CTNND2: variants seen among roughly 807,000 people sequenced by gnomAD.
CTNND2 encodes catenin delta-2.
In CTNND2, 22 loss-of-function variants were observed where a neutral mutation model predicts 144.4. The observed-to-expected ratio is 0.15, with a 90% CI of 0.11 to 0.22. The LOEUF is 0.22. Among genes scored for constraint, CTNND2 ranks in the 10% least tolerant of loss-of-function variants. The probability of loss-of-function intolerance (pLI) is 1.00; values close to 1 mark genes in which losing one functional copy is unlikely to be tolerated. For synonymous variants in CTNND2, 751 were observed against 695.6 expected (o/e 1.08, Z -1.25); for missense variants, 1,353 against 1,618.8 (o/e 0.84, Z 2.82).
intron 14 of CTNND2, among the ~76,000 whole-genome samples, chr5:11,101,082 C>T (rs1024774688): frequency 6.6e-6 from 1 of 152,124 alleles, no homozygotes; most frequent in Non-Finnish European, 1.5e-5. Flanking sequence ...TCTTTGATGG[C>T]AACTGGAGAT....
intron 9 of CTNND2, among the ~76,000 whole-genome samples, chr5:11,248,745 T>C (rs1436437329): frequency 6.6e-6 from 1 of 152,208 alleles, no homozygotes; most frequent in African/African-American, 2.4e-5. Context: ...AAGCTCTGTG[T>C]TTCTGGAAGT....
At chr5:11,224,407 T>C (rs1371001062) in intron 10 of CTNND2, among the ~76,000 whole-genome samples, 1 of 152,218 alleles carries the variant, frequency 6.6e-6, no homozygotes, top group Non-Finnish European at 1.5e-5. Flanking sequence ...AAGCTTTAAC[T>C]TCTCCACAGA....
At chr5:11,583,200 A>T (rs1778573132) in intron 2 of CTNND2, among the ~76,000 whole-genome samples, 2 of 152,194 alleles carry the variant, frequency 1.3e-5, no homozygotes, top group Non-Finnish European at 2.9e-5. Flanking sequence ...TTGCCCTGGG[A>T]ATTCTGACAC....
chr5:11,052,069 T>A (rs1169785154), intron 16 of CTNND2, among the ~76,000 whole-genome samples: 1 of 152,136 alleles, frequency 6.6e-6, no homozygotes, highest in African/African-American at 2.4e-5. Context: ...AGAGAGTCCA[T>A]CATGCTTTCC....
chr5:11,117,410 T>C (rs1402268405), intron 13 of CTNND2, 40 bp downstream of exon 13: 1 of 1,515,850 alleles, frequency 6.6e-7, no homozygotes, highest in Non-Finnish European at 9.2e-7. Context: ...GTGGGAGTCT[T>C]TATTCTCAAA....
intron 2 of CTNND2, among the ~76,000 whole-genome samples, chr5:11,660,228 G>C (rs1275272027): frequency 6.6e-6 from 1 of 152,086 alleles, no homozygotes; most frequent in Non-Finnish European, 1.5e-5. Flanking sequence ...CCATGAAAAA[G>C]GATGGGGGAA....
intron 3 of CTNND2, among the ~76,000 whole-genome samples, chr5:11,502,954 A>G (rs1413367717): frequency 6.6e-6 from 1 of 152,248 alleles, no homozygotes; most frequent in Non-Finnish European, 1.5e-5. Flanking sequence ...AACATCAAAT[A>G]GGAGTTCTAA....
chr5:11,729,251 GA>G (rs1400220428), intron 2 of CTNND2, among the ~76,000 whole-genome samples: 5 of 150,358 alleles, frequency 3.3e-5, no homozygotes, highest in East Asian at 3.9e-4. Flanking sequence ...TAATTCCTCA[GA>G]AAAAAAACTT....
intron 2 of CTNND2, among the ~76,000 whole-genome samples, chr5:11,590,409 G>A (rs1779157678): frequency 6.6e-6 from 1 of 152,050 alleles, no homozygotes; most frequent in Non-Finnish European, 1.5e-5. Flanking sequence ...CTTTGATAAA[G>A]TACAGGGTAG....
chr5:11,195,050 A>T (rs1460496136), intron 11 of CTNND2, among the ~76,000 whole-genome samples: 2 of 152,200 alleles, frequency 1.3e-5, no homozygotes, highest in Non-Finnish European at 2.9e-5. Flanking sequence ...AAATCTGACT[A>T]ATTTCAGAAA....
intron 1 of CTNND2, among the ~76,000 whole-genome samples, chr5:11,870,789 T>A (rs1485263558): frequency 6.6e-6 from 1 of 152,174 alleles, no homozygotes; most frequent in African/African-American, 2.4e-5. Flanking sequence ...GGAGGGAAAC[T>A]TCCACAAATT....
At chr5:11,122,667 A>G (rs904865737) in intron 12 of CTNND2, among the ~76,000 whole-genome samples, 2 of 151,864 alleles carry the variant, frequency 1.3e-5, no homozygotes, top group African/African-American at 4.8e-5. Flanking sequence ...TAACCATCAG[A>G]GCCCAGATGC....
chr5:11,303,501 G>A (rs1749824017), intron 9 of CTNND2, among the ~76,000 whole-genome samples: 1 of 152,142 alleles, frequency 6.6e-6, no homozygotes. Flanking sequence ...CTGGGTTGCT[G>A]AGGCCTTAGT....
At chr5:11,341,283 T>C (rs182690280) in intron 9 of CTNND2, among the ~76,000 whole-genome samples, 6 of 152,324 alleles carry the variant, frequency 3.9e-5, no homozygotes, top group Non-Finnish European at 4.4e-5. Context: ...AGATGCAGAT[T>C]TCTGTATCAA....
intron 1 of CTNND2, among the ~76,000 whole-genome samples, chr5:11,866,474 C>T (rs1795774507): frequency 6.6e-6 from 1 of 152,008 alleles, no homozygotes; most frequent in South Asian, 2.1e-4. Flanking sequence ...TCTCAGTTGC[C>T]CTATAAATGG....
At chr5:11,002,626 G>A (rs1740073067) in intron 18 of CTNND2, among the ~76,000 whole-genome samples, 1 of 152,174 alleles carries the variant, frequency 6.6e-6, no homozygotes, top group Non-Finnish European at 1.5e-5. Context: ...TCATTAAGGT[G>A]TTTCAACAGA....
intron 9 of CTNND2, among the ~76,000 whole-genome samples, chr5:11,247,194 G>A (rs757353170): frequency 4.6e-5 from 7 of 152,194 alleles, no homozygotes; most frequent in Non-Finnish European, 1.0e-4. Flanking sequence ...TCTGAGGGGT[G>A]GGGCAGGAGC....
At chr5:11,250,071 T>C (rs1743400577) in intron 9 of CTNND2, among the ~76,000 whole-genome samples, 1 of 152,326 alleles carries the variant, frequency 6.6e-6, no homozygotes, top group South Asian at 2.1e-4. Flanking sequence ...TACTTTGCTA[T>C]AAAACTTTTA....
chr5:11,172,434 T>A (rs1346311039), intron 11 of CTNND2, among the ~76,000 whole-genome samples: 1 of 152,232 alleles, frequency 6.6e-6, no homozygotes. Context: ...TGTCTCATTA[T>A]CCATCCTTTC....
Sources: allele counts gnomAD v4.1 joint callset (sites outside exome capture counted in the v4.1 genomes callset), GRCh38; gene constraint gnomAD v4.1.1; transcripts MANE v1.5; gene names NCBI Gene and HGNC (gene_info 2026-07-23, HGNC 2026-07-21).